PIK3C2G: variants seen among roughly 807,000 people sequenced by gnomAD.
The protein encoded by PIK3C2G is phosphatidylinositol 3-kinase C2 domain-containing subunit gamma.
In PIK3C2G, 168 loss-of-function variants were observed where a neutral mutation model predicts 181.1. The observed-to-expected ratio is 0.93, with a 90% confidence interval of 0.82 to 1.05. The LOEUF is 1.05. Among genes scored for constraint, PIK3C2G ranks in the 50% least tolerant of loss-of-function variants. PIK3C2G has a pLI of 0.00. For synonymous variants in PIK3C2G, 573 were observed against 592.2 expected, an observed-to-expected ratio of 0.97 and a Z score of 0.47; for missense variants, 1,869 against 1,732.8, an observed-to-expected ratio of 1.08 and a Z score of -1.40.
At chr12:18,690,245 C>T in the PIK3C2G span, among the ~76,000 whole-genome samples, 12 of 151,924 alleles carry the variant, frequency 7.9e-5, no homozygotes, top group African/African-American at 1.5e-4. Context: ...TTCTTTGAGA[C>T]GAACTTTGGC....
chr12:18,247,438 T>C (rs1948051821), upstream of PIK3C2G, among the ~76,000 whole-genome samples: 1 of 152,154 alleles, frequency 6.6e-6, no homozygotes, highest in Non-Finnish European at 1.5e-5. Flanking sequence ...GGAGGTTTAA[T>C]CTGCAGAAGA....
At chr12:18,373,064 C>T (rs1942180427) in intron 13 of PIK3C2G, among the ~76,000 whole-genome samples, 1 of 152,286 alleles carries the variant, frequency 6.6e-6, no homozygotes, top group East Asian at 1.9e-4. Flanking sequence ...TGCTTTTCTC[C>T]TGTGCTAGAC....
At chr12:18,657,848 C>A in the PIK3C2G span, among the ~76,000 whole-genome samples, 25 of 151,940 alleles carry the variant, frequency 1.6e-4, no homozygotes, top group Non-Finnish European at 5.9e-5. Flanking sequence ...TAGAAATTAT[C>A]CCTAAGGAAG....
intron 16 of PIK3C2G, among the ~76,000 whole-genome samples, chr12:18,407,226 T>A (rs1284088921): frequency 6.6e-6 from 1 of 152,088 alleles, no homozygotes; most frequent in African/African-American, 2.4e-5. Flanking sequence ...ATAAATAAAT[T>A]CATGAGAAAT....
intron 18 of PIK3C2G, among the ~76,000 whole-genome samples, chr12:18,439,901 T>C (rs1163189620): frequency 1.3e-5 from 2 of 152,100 alleles, no homozygotes; most frequent in Non-Finnish European, 2.9e-5. Flanking sequence ...TATTTTATTA[T>C]CAACTGGTTC....
chr12:18,601,032 C>G (rs1947680505), intron 30 of PIK3C2G, among the ~76,000 whole-genome samples: 1 of 151,992 alleles, frequency 6.6e-6, no homozygotes, highest in South Asian at 2.1e-4. Flanking sequence ...AGACCAATCT[C>G]ACTTAAGAAT....
chr12:18,425,728 A>G (rs1945769968), intron 18 of PIK3C2G, among the ~76,000 whole-genome samples: 1 of 152,130 alleles, frequency 6.6e-6, no homozygotes, highest in South Asian at 2.1e-4. Flanking sequence ...ACTTAAAAAC[A>G]TAGAGAAATG....
chr12:18,568,786 G>A (rs895897040), intron 29 of PIK3C2G, among the ~76,000 whole-genome samples: 3 of 152,142 alleles, frequency 2.0e-5, no homozygotes, highest in African/African-American at 7.2e-5. Flanking sequence ...CACAAGAGTC[G>A]TGAGGAACTA....
intron 27 of PIK3C2G, 31 bp downstream of exon 27, chr12:18,562,923 G>C (rs780500658): frequency 6.9e-7 from 1 of 1,442,574 alleles, no homozygotes; most frequent in Non-Finnish European, 9.6e-7. Flanking sequence ...CTTGACTTAC[G>C]TATCACTTGA....
intron 30 of PIK3C2G, among the ~76,000 whole-genome samples, chr12:18,603,610 C>T (rs1211440143): frequency 6.6e-6 from 1 of 152,090 alleles, no homozygotes; most frequent in Non-Finnish European, 1.5e-5. Context: ...AATCTTAAGA[C>T]CTGTGAGACA....
intron 22 of PIK3C2G, among the ~76,000 whole-genome samples, chr12:18,500,067 C>T (rs557344280): frequency 2.8e-4 from 43 of 152,338 alleles, no homozygotes; most frequent in Non-Finnish European, 4.0e-4. Context: ...GCCCTTCAGC[C>T]GGCCGCTGCT....
At chr12:18,385,722 C>A (rs539952876) in intron 14 of PIK3C2G, among the ~76,000 whole-genome samples, 32 of 152,204 alleles carry the variant, frequency 2.1e-4, no homozygotes, top group Admixed American at 3.9e-4. Context: ...GTGTGCGCCA[C>A]CATGCCCAGC....
the PIK3C2G span, among the ~76,000 whole-genome samples, chr12:18,707,298 C>A: frequency 6.6e-6 from 1 of 152,158 alleles, no homozygotes; most frequent in Admixed American, 6.5e-5. Context: ...CACTGACTCA[C>A]TCTGATCCCA....
intron 32 of PIK3C2G, among the ~76,000 whole-genome samples, chr12:18,647,044 A>G (rs1565597274): frequency 6.6e-6 from 1 of 151,986 alleles, no homozygotes; most frequent in Non-Finnish European, 1.5e-5. Context: ...TTGTCTCCCA[A>G]TGGTGAAAAT....
intron 18 of PIK3C2G, among the ~76,000 whole-genome samples, chr12:18,454,019 A>G (rs796881226): frequency 1.7e-4 from 26 of 152,262 alleles, no homozygotes; most frequent in African/African-American, 6.0e-4. Context: ...TATCTGATAC[A>G]CGTCTTCTTT....
At position 18,473,814 on chromosome 12, in the gene PIK3C2G, G is replaced by T. The variant is rs534418129; in HGVS notation, c.2505-14635G>T. On this transcript the variant is annotated intron_variant, in intron 18 of 32. Transcript: ENST00000538779. ...GACAATGACATGAAACTAACTGAAGGTACAGAACTTGAATATCCTTGAAAC... is the reference window on the plus strand; with the variant it reads ...GACAATGACATGAAACTAACTGAAGTTACAGAACTTGAATATCCTTGAAAC... 4.6e-5 allele frequency among the ~76,000 whole-genome samples: 7 copies of T among 152,224 alleles called. No homozygotes were observed. In the East Asian group the frequency reaches 1.4e-3, roughly 29 times the overall value.
chr12:18,401,378 G>C (rs1944241660), intron 16 of PIK3C2G, among the ~76,000 whole-genome samples: 1 of 152,046 alleles, frequency 6.6e-6, no homozygotes, highest in African/African-American at 2.4e-5. Context: ...AGTGTTTAAA[G>C]ATCCTTTTGG....
chr12:18,333,286 T>C (rs1938170548), intron 8 of PIK3C2G, among the ~76,000 whole-genome samples: 1 of 152,118 alleles, frequency 6.6e-6, no homozygotes, highest in African/African-American at 2.4e-5. Context: ...TTTTCATTTG[T>C]TTGTTTGTTT....
intron 18 of PIK3C2G, among the ~76,000 whole-genome samples, chr12:18,486,047 C>T (rs1441497720): frequency 6.6e-6 from 1 of 152,116 alleles, no homozygotes; most frequent in African/African-American, 2.4e-5. Flanking sequence ...ATGTTAATTT[C>T]TCTTGTCATT....
Sources: gnomAD v4.1 joint callset for allele counts (sites outside exome capture counted in the v4.1 genomes callset) on GRCh38, gnomAD v4.1.1 for gene constraint, MANE v1.5 for transcripts, NCBI Gene and HGNC (gene_info 2026-07-23, HGNC 2026-07-21) for gene names.